The following LHFPL3 variants were observed in gnomAD, a reference collection of about 807,000 sequenced individuals.
The protein encoded by LHFPL3 is LHFPL tetraspan subfamily member 3, also known as LHFPL tetraspan subfamily member 3 protein.
Under a neutral mutation model 19.3 loss-of-function variants are expected in LHFPL3, and 5 were observed. The ratio of observed to expected loss-of-function variants is 0.26; its 90% confidence interval spans 0.14 to 0.54. The LOEUF is 0.54. Ranked by LOEUF, LHFPL3 falls within the 20% of genes least tolerant of loss-of-function variation. LHFPL3 has a pLI of 0.94. For synonymous variants in LHFPL3, 133 were observed against 126.2 expected, an observed-to-expected ratio of 1.05 and a Z score of -0.36; for missense variants, 249 against 307.4, an observed-to-expected ratio of 0.81 and a Z score of 1.42.
At chr7:104,467,292 A>G (rs1792809409) in intron 1 of LHFPL3, among the ~76,000 whole-genome samples, 1 of 152,212 alleles carries the variant, frequency 6.6e-6, no homozygotes, top group African/African-American at 2.4e-5. Flanking sequence ...GTCTGGGTTA[A>G]TGGAAAAGAC....
At chr7:104,722,718 TC>T (rs1162030739) in intron 1 of LHFPL3, among the ~76,000 whole-genome samples, 2 of 152,138 alleles carry the variant, frequency 1.3e-5, no homozygotes, top group Non-Finnish European at 2.9e-5. Flanking sequence ...GTGTGAAAGT[TC>T]CCCCTCCATA....
rs58712044 is a variant in LHFPL3, at chr7:104,511,944, CT to C, written c.445+182740del. Among the ~76,000 whole-genome samples, 1,083 of 111,962 alleles carry C rather than the reference CT, an allele frequency of 9.7e-3. 14 individuals are homozygous for C. Among genetic ancestry groups the C allele is most frequent in the East Asian group, 0.088 (357 of 4,048 alleles). 73.5% of individuals were successfully genotyped at this position (111,962 alleles called of 152,430 possible). The stretch of plus-strand genomic sequence containing the variant: ...AATAGTGATATTTTTCTTTCCTTTT[CT>C]TTTTTTTTTTTTTTTTTTTGGAGGA... On this transcript the variant is annotated intron_variant, in intron 1 of 2. Coordinates refer to ENST00000424859, the MANE Select transcript of LHFPL3 (RefSeq NM_199000.3).
At chr7:104,553,010 T>C (rs1208879908) in intron 1 of LHFPL3, among the ~76,000 whole-genome samples, 1 of 152,218 alleles carries the variant, frequency 6.6e-6, no homozygotes, top group Admixed American at 6.6e-5. Flanking sequence ...AGATTGCATG[T>C]GCTAATATCC....
chr7:104,798,201 G>C (rs1790171289), intron 2 of LHFPL3: 1 of 152,068 alleles, frequency 6.6e-6, no homozygotes, highest in African/African-American at 2.4e-5. Context: ...AGAAACAAAA[G>C]AAAAAGATTA....
At chr7:104,741,721 CG>C (rs1562979049) in intron 2 of LHFPL3, among the ~76,000 whole-genome samples, 1 of 151,804 alleles carries the variant, frequency 6.6e-6, no homozygotes, top group Non-Finnish European at 1.5e-5. Context: ...GTATTGGCGG[CG>C]GGGGTTGTTT....
At chr7:104,878,553 C>G (rs1019888106) in intron 2 of LHFPL3, among the ~76,000 whole-genome samples, 3 of 152,152 alleles carry the variant, frequency 2.0e-5, no homozygotes, top group Non-Finnish European at 4.4e-5. Flanking sequence ...GCCATTCCCC[C>G]ATCTCTTTCC....
chr7:104,860,170 A>ACACC (rs750552832), intron 2 of LHFPL3, among the ~76,000 whole-genome samples: 23 of 91,876 alleles, frequency 2.5e-4, no homozygotes, highest in African/African-American at 8.0e-4. Context: ...ACACACACAT[A>ACACC]CACCCACCCA....
At chr7:104,792,438 T>A (rs940207892) in intron 2 of LHFPL3, among the ~76,000 whole-genome samples, 1 of 152,266 alleles carries the variant, frequency 6.6e-6, no homozygotes, top group Non-Finnish European at 1.5e-5. Context: ...ATCTCCGTCA[T>A]GGCTACTTAT....
intron 2 of LHFPL3, among the ~76,000 whole-genome samples, chr7:104,755,391 T>C (rs1302366017): frequency 1.3e-5 from 2 of 152,074 alleles, no homozygotes; most frequent in Non-Finnish European, 2.9e-5. Flanking sequence ...GGGCCACTCA[T>C]GCAATTCACA....
intron 1 of LHFPL3, among the ~76,000 whole-genome samples, chr7:104,697,389 TAAG>T (rs1297620627): frequency 1.3e-5 from 2 of 152,194 alleles, no homozygotes; most frequent in Non-Finnish European, 2.9e-5. Flanking sequence ...GGCAAGAATA[TAAG>T]GAGTATCACA....
intron 1 of LHFPL3, among the ~76,000 whole-genome samples, chr7:104,490,798 C>T (rs569432587): frequency 6.6e-6 from 1 of 152,246 alleles, no homozygotes; most frequent in East Asian, 1.9e-4. Context: ...AAAACTGAGG[C>T]TTCTCTATCT....
chr7:104,744,195 A>T (rs1389974276), intron 2 of LHFPL3: 1 of 152,078 alleles, frequency 6.6e-6, no homozygotes, highest in Non-Finnish European at 1.5e-5. Flanking sequence ...ACAAGTAAAG[A>T]GTTTGGTCTT....
At chr7:104,595,029 G>A (rs1790813620) in intron 1 of LHFPL3, among the ~76,000 whole-genome samples, 1 of 152,202 alleles carries the variant, frequency 6.6e-6, no homozygotes, top group South Asian at 2.1e-4. Context: ...ACCTTCTGAA[G>A]CCTACTTCTG....
At chr7:104,662,585 C>T (rs1792245781) in intron 1 of LHFPL3, among the ~76,000 whole-genome samples, 1 of 152,134 alleles carries the variant, frequency 6.6e-6, no homozygotes, top group Non-Finnish European at 1.5e-5. Flanking sequence ...GTAGGTACAA[C>T]TTTCTAAGCA....
chr7:104,526,533 G>A (rs1200083440), intron 1 of LHFPL3, among the ~76,000 whole-genome samples: 1 of 152,228 alleles, frequency 6.6e-6, no homozygotes, highest in African/African-American at 2.4e-5. Context: ...GTGCCAACTT[G>A]AAAATGAATT....
chr7:104,548,472 C>T (rs1337593148), intron 1 of LHFPL3, among the ~76,000 whole-genome samples: 2 of 152,064 alleles, frequency 1.3e-5, no homozygotes, highest in African/African-American at 2.4e-5. Flanking sequence ...TCAAGTTCCA[C>T]GTCTTGCAAG....
intron 1 of LHFPL3, among the ~76,000 whole-genome samples, chr7:104,676,624 T>C (rs572030242): frequency 6.6e-6 from 1 of 152,332 alleles, no homozygotes; most frequent in South Asian, 2.1e-4. Context: ...ATGCAAACCA[T>C]CTTAGAAATA....
chr7:104,828,714 T>A (rs1790871623), intron 2 of LHFPL3, among the ~76,000 whole-genome samples: 1 of 151,712 alleles, frequency 6.6e-6, no homozygotes, highest in South Asian at 2.1e-4. Flanking sequence ...ATGGCGTAAG[T>A]GGGAAGGTAA....
intron 1 of LHFPL3, among the ~76,000 whole-genome samples, chr7:104,722,154 T>C (rs996964272): frequency 3.3e-5 from 5 of 152,174 alleles, no homozygotes; most frequent in African/African-American, 1.2e-4. Flanking sequence ...CTATAAAAGG[T>C]GTTTCTCCAT....
Sources: allele counts gnomAD v4.1 joint callset (sites outside exome capture counted in the v4.1 genomes callset), GRCh38; gene constraint gnomAD v4.1.1; transcripts MANE v1.5; gene names NCBI Gene and HGNC (gene_info 2026-07-23, HGNC 2026-07-21).